The following SPOPL variants were observed in gnomAD, a reference collection of about 807,000 sequenced individuals.
The protein encoded by SPOPL is speckle type BTB/POZ protein like, also known as speckle-type POZ protein-like.
In SPOPL, 23 loss-of-function variants were observed where a neutral mutation model predicts 53.8. That is an observed-to-expected ratio of 0.43 (90% CI 0.31 to 0.61). The LOEUF (loss-of-function observed/expected upper bound fraction) is 0.61. SPOPL is among the 20% of genes least tolerant of loss of function. SPOPL has a pLI of 0.12. For synonymous variants in SPOPL, 164 were observed against 149.7 expected (o/e 1.10, Z -0.70); for missense variants, 442 against 466.9 (o/e 0.95, Z 0.49).
intron 1 of SPOPL, among the ~76,000 whole-genome samples, chr2:138,508,791 A>G (rs1346835593): frequency 6.6e-6 from 1 of 152,186 alleles, no homozygotes; most frequent in Non-Finnish European, 1.5e-5. Context: ...TATTTTTACT[A>G]GTTCATACTG....
Position 138,556,052 on chromosome 2 carries a change from AAAT to A in SPOPL, c.481-2966_481-2964del, listed in dbSNP as rs1201379661. On this transcript the variant is annotated intron_variant, in intron 5 of 10. Coordinates refer to ENST00000280098, the MANE Select transcript of SPOPL (RefSeq NM_001001664.3). The stretch of plus-strand genomic sequence containing the variant: ...ATTTTCTTAAATATAGGTGTCAAGA[AAAT>A]AATCAGAATCCATTGCATATGTCAA... 1.4e-4 allele frequency among the ~76,000 whole-genome samples: 21 copies of A among 152,316 alleles called. No individual in the cohort carries two copies. The South Asian group carries it at 2.1e-3, about 15-fold the overall frequency.
At position 138,513,482 on chromosome 2, in the gene SPOPL, G is replaced by A. The variant is rs546732811; in HGVS notation, c.-61+11363G>A. ...GCAGGAGCGCTTGAACCTGGGAGGC[G>A]GAGGTTGCAGTGAGCCAAGATTGCA... On this transcript the variant is annotated intron_variant, in intron 1 of 10. Transcript: ENST00000280098. 3.9e-5 allele frequency among the ~76,000 whole-genome samples: 6 copies of A among 152,206 alleles called. No individual in the cohort carries two copies. The East Asian group carries it at 1.2e-3, about 29-fold the overall frequency.
In SPOPL at chr2:138,518,184, G is replaced by A. The variant is rs766949776; in HGVS notation, c.-61+16065G>A. 8.6e-5 allele frequency among the ~76,000 whole-genome samples: 13 copies of A among 151,992 alleles called. No homozygotes were observed. The East Asian group carries it at 2.5e-3, about 29-fold the overall frequency. ...AAAGAAAACTTTGGAAGTGGCGGAA[G>A]CTTTAATAAAATGTTTAGCCAAATT... On this transcript the variant is annotated intron_variant, in intron 1 of 10. Transcript: ENST00000280098.
At chr2:138,508,908 C>T (rs1173478344) in intron 1 of SPOPL, among the ~76,000 whole-genome samples, 3 of 152,028 alleles carry the variant, frequency 2.0e-5, no homozygotes, top group Non-Finnish European at 4.4e-5. Context: ...TACAGGTACC[C>T]TTTTAGAGGC....
intron 1 of SPOPL, among the ~76,000 whole-genome samples, chr2:138,510,330 C>T (rs187714467): frequency 1.6e-4 from 24 of 152,336 alleles, no homozygotes; most frequent in Admixed American, 1.3e-3. Context: ...ATTTTACATT[C>T]GCATCAGCGA....
chr2:138,541,697 CA>C (rs1476167874), intron 1 of SPOPL, among the ~76,000 whole-genome samples: 3 of 152,156 alleles, frequency 2.0e-5, no homozygotes, highest in Admixed American at 6.5e-5. Context: ...CTCCTGGATT[CA>C]TTGATTTTTT....
intron 4 of SPOPL, 57 bp downstream of exon 4, chr2:138,551,111 C>G: frequency 6.4e-7 from 1 of 1,573,656 alleles, no homozygotes; most frequent in Admixed American, 1.8e-5. Context: ...ATTATGACTT[C>G]TTCTGCACCT....
At chr2:138,533,264 T>A (rs1684851034) in intron 1 of SPOPL, among the ~76,000 whole-genome samples, 1 of 152,202 alleles carries the variant, frequency 6.6e-6, no homozygotes, top group Admixed American at 6.5e-5. Context: ...GTTATTAAAG[T>A]CTATGCTATT....
At chr2:138,546,658 G>T (rs35107086) in intron 1 of SPOPL, among the ~76,000 whole-genome samples, 22,701 of 152,122 alleles carry the variant, frequency 0.15, 1,926 homozygotes, top group African/African-American at 0.23. Context: ...ATATGGAAGG[G>T]CAGCATGATT....
chr2:138,539,597 G>C (rs1253918145), intron 1 of SPOPL, among the ~76,000 whole-genome samples: 2 of 48,742 alleles, frequency 4.1e-5, no homozygotes, highest in Admixed American at 4.5e-4. Context: ...TGATGGGGTT[G>C]TTTGTTTTTT....
intron 5 of SPOPL, among the ~76,000 whole-genome samples, chr2:138,557,619 C>T (rs1685456051): frequency 6.6e-6 from 1 of 152,004 alleles, no homozygotes; most frequent in Middle Eastern, 3.2e-3. Context: ...TTAATAAAAG[C>T]CTAATGAAAT....
intron 1 of SPOPL, among the ~76,000 whole-genome samples, chr2:138,507,455 G>A (rs934356211): frequency 1.1e-4 from 16 of 152,320 alleles, no homozygotes; most frequent in African/African-American, 4.8e-5. Context: ...TAGTGCTGTC[G>A]TGGCAGTTTA....
chr2:138,530,796 T>G (rs72860810), intron 1 of SPOPL, among the ~76,000 whole-genome samples: 1 of 151,954 alleles, frequency 6.6e-6, no homozygotes, highest in South Asian at 2.1e-4. Context: ...CCAATTCTTA[T>G]GCTTTTCATT....
At chr2:138,519,103 C>T (rs1162503964) in intron 1 of SPOPL, among the ~76,000 whole-genome samples, 1 of 152,100 alleles carries the variant, frequency 6.6e-6, no homozygotes, top group African/African-American at 2.4e-5. Context: ...GGGATTGAAC[C>T]CAAGTCTGAT....
chr2:138,547,546 G>GTT lies in SPOPL; in HGVS notation c.-60-2610_-60-2609insTT, dbSNP rs1367275410. On this transcript the variant is annotated intron_variant, in intron 1 of 10. Coordinates refer to ENST00000280098, the MANE Select transcript of SPOPL (RefSeq NM_001001664.3). ...TACCCCAGGATCTATTACTTAAACA[G>GTT]TAACATAGACACAAGATCTTACGTA... Among the ~76,000 whole-genome samples the GTT allele has an allele frequency of 8.5e-5, 13 of 152,062 alleles. No homozygotes were observed. The East Asian group carries it at 2.1e-3, about 25-fold the overall frequency.
At chr2:138,534,638 C>G (rs1684888587) in intron 1 of SPOPL, among the ~76,000 whole-genome samples, 1 of 152,034 alleles carries the variant, frequency 6.6e-6, no homozygotes, top group Admixed American at 6.6e-5. Flanking sequence ...ATCATTTTTA[C>G]TTTTTTAAAA....
chr2:138,554,224 C>T (rs1351112211), intron 5 of SPOPL, among the ~76,000 whole-genome samples: 2 of 151,468 alleles, frequency 1.3e-5, no homozygotes, highest in Non-Finnish European at 2.9e-5. Context: ...ATGCTAGTGA[C>T]CCCCAAAAAC....
intron 1 of SPOPL, among the ~76,000 whole-genome samples, chr2:138,528,711 T>A (rs1684731648): frequency 6.6e-6 from 1 of 152,174 alleles, no homozygotes; most frequent in South Asian, 2.1e-4. Context: ...CTCCCTTTTG[T>A]TCTGGGTTAT....
chr2:138,505,555 AAG>A lies in SPOPL; in HGVS notation c.-61+3438_-61+3439del, dbSNP rs1684197308. 2.0e-5 allele frequency among the ~76,000 whole-genome samples: 3 copies of A among 149,222 alleles called. No homozygotes were observed. The South Asian group carries it at 6.4e-4, about 32-fold the overall frequency. On this transcript the variant is annotated intron_variant, in intron 1 of 10. Coordinates refer to ENST00000280098, the MANE Select transcript of SPOPL (RefSeq NM_001001664.3). ...GCTTATCACTTAAGGTCAGGAGTTC[AAG>A]ACCAGCCCGGCCAACATGGTGAAAC...
Sources: allele counts gnomAD v4.1 joint callset (sites outside exome capture counted in the v4.1 genomes callset), GRCh38; gene constraint gnomAD v4.1.1; transcripts MANE v1.5; gene names NCBI Gene and HGNC (gene_info 2026-07-23, HGNC 2026-07-21).